The following TSC1 variants were observed in gnomAD, a reference collection of about 807,000 sequenced individuals.
TSC1 encodes hamartin.
In TSC1, 20 loss-of-function variants were observed where a neutral mutation model predicts 124.3. That is an observed-to-expected ratio of 0.16 (90% CI 0.11 to 0.23). TSC1 has a LOEUF of 0.23. Ranked by LOEUF, TSC1 falls within the 10% of genes least tolerant of loss-of-function variation. The pLI is 1.00. For missense variants in TSC1, 1,124 were observed against 1,448.5 expected, an observed-to-expected ratio of 0.78 and a Z score of 3.64; for synonymous variants, 493 against 539.1, an observed-to-expected ratio of 0.91 and a Z score of 1.19.
At position 132,896,521 on chromosome 9, in the gene TSC1, G is replaced by A. The variant is rs1060503200; in HGVS notation, c.3209C>T (p.Ala1070Val). The A allele has an allele frequency of 3.1e-6, 5 of 1,614,220 alleles. No homozygotes were observed. The highest frequency in any genetic ancestry group is 1.7e-5 in the Admixed American group (1 of 60,028). Reference protein sequence around the residue: ...SSRWETTMGEASASIPTTVGS... With the variant: ...SSRWETTMGEVSASIPTTVGS... ...CACAGTGGTGGGGATGCTGGCAGAC[G>A]CTTCTCCCATAGTCGTCTCCCACCG... is the stretch of plus-strand genomic sequence containing the variant. Residue 1070 changes from alanine (A) to valine (V), a missense_variant, in exon 23 of 23, where the codon GCG becomes GTG. This residue lies in a region of TSC1 where 325 missense variants were observed against 383.4 expected (regional missense o/e 0.85). Coordinates refer to ENST00000298552, the MANE Select transcript of TSC1 (RefSeq NM_000368.5). The surrounding 1 kb of genome is among the most constrained non-coding windows in gnomAD (Gnocchi z 4.5).
chr9:132,900,044 T>TC (rs1346856636), intron 20 of TSC1: 1 of 154,476 alleles, frequency 6.5e-6, no homozygotes, highest in Non-Finnish European at 1.4e-5. Flanking sequence ...GTTCTAAGAC[T>TC]CCTCTCTACA....
chr9:132,906,363 T>C lies in TSC1; in HGVS notation c.1439-224A>G, dbSNP rs916275861. The C allele has an allele frequency of 2.3e-5, 14 of 605,280 alleles. No individual in the cohort carries two copies. Among genetic ancestry groups the C allele is most frequent in the South Asian group, 7.5e-5 (4 of 53,360 alleles). 37.5% of individuals were successfully genotyped at this position (605,280 alleles called of 1,614,324 possible). A position where few individuals can be genotyped will look rare whatever the true frequency, so the allele number is the denominator to read the frequency against. Reference sequence around the variant, plus strand: ...GAGTTAGAGACCAGCCTGGACAACATAGGGAGATCCCATCTCTACAAAAAA... The same window carrying C: ...GAGTTAGAGACCAGCCTGGACAACACAGGGAGATCCCATCTCTACAAAAAA... On this transcript the variant is annotated intron_variant, in intron 14 of 22. Transcript: ENST00000298552. This position sits in a 1 kb window ranked among gnomAD's most constrained non-coding sequence, Gnocchi z 4.1.
intron 8 of TSC1, among the ~76,000 whole-genome samples, chr9:132,919,642 T>G: frequency 6.6e-6 from 1 of 152,150 alleles, no homozygotes; most frequent in East Asian, 1.9e-4. Context: ...TATGTCCTAT[T>G]AAACAAGAGT....
chr9:132,903,856 T>C lies in TSC1; in HGVS notation c.2042-39A>G, dbSNP rs775179387. Reference sequence around the variant, plus strand: ...AGAGGGAGGGTGGCAGAAATGCCTTTTACAGATGGTTCAATCAAGCCCCCT... The same window carrying C: ...AGAGGGAGGGTGGCAGAAATGCCTTCTACAGATGGTTCAATCAAGCCCCCT... On this transcript the variant is annotated intron_variant, in intron 16 of 22. Transcript: ENST00000298552. The surrounding 1 kb of genome is among the most constrained non-coding windows in gnomAD (Gnocchi z 5.9). 1 of 1,611,668 alleles carries C rather than the reference T, an allele frequency of 6.2e-7. No individual in the cohort carries two copies. The highest frequency in any genetic ancestry group is 8.5e-7 in the Non-Finnish European group (1 of 1,179,156).
At position 132,896,182 on chromosome 9, in the gene TSC1, C is replaced by A; in HGVS notation, c.*53G>T. 5.0e-6 allele frequency: 8 copies of A among 1,612,508 alleles called. No individual in the cohort carries two copies. Among genetic ancestry groups the A allele is most frequent in the Non-Finnish European group, 6.8e-6 (8 of 1,179,042 alleles). ...GAAAGCTTTGAAACGTGCATTCACA[C>A]CTCCTGTTCTGTGCCAACAATATGC... On this transcript the variant is annotated 3_prime_UTR_variant, in exon 23 of 23. Transcript: ENST00000298552. The surrounding 1 kb of genome is among the most constrained non-coding windows in gnomAD (Gnocchi z 4.5).
chr9:132,911,804 A>T (rs962810527), intron 9 of TSC1, among the ~76,000 whole-genome samples: 2 of 152,218 alleles, frequency 1.3e-5, no homozygotes, highest in African/African-American at 4.8e-5. Context: ...TTGATGTCTC[A>T]TTAAGCCTCA....
At position 132,902,715 on chromosome 9, in the gene TSC1, A is replaced by G. The variant is rs776386313; in HGVS notation, c.2281T>C (p.Tyr761His). The change falls in exon 18 of 23, where the codon TAC becomes CAC. Residue 761 changes from tyrosine (Y) to histidine (H), a missense_variant. By Grantham distance (83) the Tyr-to-His change is moderately conservative (BLOSUM62 2). Around this residue, in one of 5 missense-constraint regions of TSC1, gnomAD observed 321 missense variants for 397.4 expected, o/e 0.81. Coordinates refer to ENST00000298552, the MANE Select transcript of TSC1 (RefSeq NM_000368.5). This position sits in a 1 kb window ranked among gnomAD's most constrained non-coding sequence, Gnocchi z 5.2. ...KVSLQKEQARYNQLQEQRDTM... is the reference protein window; with the variant it reads ...KVSLQKEQARHNQLQEQRDTM... Reference sequence around the variant, plus strand: ...TCACGCTGCTCCTGGAGCTGATTGTATCTAGCTTGTTCTTTCTGCAGACTA... The same window carrying G: ...TCACGCTGCTCCTGGAGCTGATTGTGTCTAGCTTGTTCTTTCTGCAGACTA... 5.6e-6 allele frequency: 9 copies of G among 1,614,094 alleles called. No homozygotes were observed. The highest frequency in any genetic ancestry group is 3.3e-5 in the Admixed American group (2 of 60,018).
At position 132,928,929 on chromosome 9, in the gene TSC1, T is replaced by C; in HGVS notation, c.-57A>G. 6.2e-7 allele frequency: 1 copy of C among 1,610,370 alleles called. No homozygotes were observed. Among genetic ancestry groups the C allele is most frequent in the South Asian group, 1.1e-5 (1 of 90,764 alleles). ...GGACGTGTGCTACAGGTTCTGAAGGTTCTTCATTGGGGCCACTACCAAACT... is the reference window on the plus strand; with the variant it reads ...GGACGTGTGCTACAGGTTCTGAAGGCTCTTCATTGGGGCCACTACCAAACT... On this transcript the variant is annotated 5_prime_UTR_variant, in exon 3 of 23. Transcript: ENST00000298552.
At position 132,896,556 on chromosome 9, in the gene TSC1, T is replaced by C. The variant is rs2131603652; in HGVS notation, c.3174A>G (p.Pro1058=). The change falls in exon 23 of 23, where the codon CCA becomes CCG. Residue 1058 remains proline (P), a synonymous_variant. Transcript: ENST00000298552. The surrounding 1 kb of genome is among the most constrained non-coding windows in gnomAD (Gnocchi z 4.5). ...TAGTCGTCTCCCACCGACTGCTGAA[T>C]GGGCCTGCCCTCTGGTGTGGGGGTT... ...PEKPPHQRAG[P]FSSRWETTMG... 6.2e-7 allele frequency: 1 copy of C among 1,614,196 alleles called. No homozygotes were observed.
chr9:132,903,601 C>CCAAAA lies in TSC1; in HGVS notation c.2208+45_2208+49dup. On this transcript the variant is annotated intron_variant, in intron 17 of 22. Coordinates refer to ENST00000298552, the MANE Select transcript of TSC1 (RefSeq NM_000368.5). The surrounding 1 kb of genome is among the most constrained non-coding windows in gnomAD (Gnocchi z 5.9). ...GTGCTTTATAAGCTATCATGCTGAC[C>CCAAAA]CAAAACAAAACAAAAAGCAAGCTCC... is the stretch of plus-strand genomic sequence containing the variant. The CCAAAA allele has an allele frequency of 2.5e-6, 4 of 1,611,344 alleles. No individual in the cohort carries two copies. Among genetic ancestry groups the CCAAAA allele is most frequent in the Non-Finnish European group, 3.4e-6 (4 of 1,179,596 alleles).
chr9:132,931,744 G>A (rs886818802), intron 2 of TSC1, among the ~76,000 whole-genome samples: 1 of 152,176 alleles, frequency 6.6e-6, no homozygotes, highest in African/African-American at 2.4e-5. Context: ...TCTACAGTAA[G>A]TGCAAGGTGT....
chr9:132,919,560 A>G (rs1846437254), intron 8 of TSC1, among the ~76,000 whole-genome samples: 1 of 152,172 alleles, frequency 6.6e-6, no homozygotes, highest in African/African-American at 2.4e-5. Flanking sequence ...ATGCCTTCAA[A>G]TTACCGACTC....
rs1011539001 is a variant in TSC1, at chr9:132,911,228, A to G, written c.1030-115T>C. On this transcript the variant is annotated intron_variant, in intron 10 of 22. Coordinates refer to ENST00000298552, the MANE Select transcript of TSC1 (RefSeq NM_000368.5). ...TTAGCTTTTTCATCTAGAAAAAGGC[A>G]TCTTATTAAAAGCGTATCAAGAAAC... The G allele has an allele frequency of 2.2e-5, 20 of 913,748 alleles. No individual in the cohort carries two copies. The African/African-American group carries it at 3.1e-4, about 14-fold the overall frequency. 56.6% of individuals were successfully genotyped at this position (913,748 alleles called of 1,614,324 possible).
chr9:132,934,809 G>A (rs1408037836), intron 2 of TSC1, among the ~76,000 whole-genome samples: 1 of 152,244 alleles, frequency 6.6e-6, no homozygotes, highest in Non-Finnish European at 1.5e-5. Flanking sequence ...CAAAAGCGTG[G>A]CTGTGAAGAA....
chr9:132,893,502 T>C lies in TSC1; in HGVS notation c.*2733A>G, dbSNP rs73552805. On this transcript the variant is annotated 3_prime_UTR_variant, in exon 23 of 23. Transcript: ENST00000298552. ...CACCTGCAGGGACTCCGGAGCTCAT[T>C]TGCTCTGCGTCTTCCTATCCCCCTC... 1.2e-3 allele frequency: 275 copies of C among 233,232 alleles called. No individual in the cohort carries two copies. Among genetic ancestry groups the C allele is most frequent in the African/African-American group, 4.2e-3 (191 of 45,454 alleles). The allele number at this position is 233,232 out of a possible 1,614,324, so 14.4% of individuals were successfully genotyped here.
Position 132,903,664 on chromosome 9 carries a change from T to C in TSC1, c.2195A>G (p.His732Arg), listed in dbSNP as rs878853964. The C allele has an allele frequency of 5.6e-6, 9 of 1,612,420 alleles. No individual in the cohort carries two copies. Among genetic ancestry groups the C allele is most frequent in the Middle Eastern group, 4.3e-4 (2 of 4,652 alleles). The change falls in exon 17 of 23, where the codon CAT becomes CGT. Residue 732 changes from histidine (H) to arginine (R), a missense_variant. This residue lies in a region of TSC1 where 321 missense variants were observed against 397.4 expected (regional missense o/e 0.81). Coordinates refer to ENST00000298552, the MANE Select transcript of TSC1 (RefSeq NM_000368.5). The surrounding 1 kb of genome is among the most constrained non-coding windows in gnomAD (Gnocchi z 5.9). ...KVIKAAALEEHNAAMKDQLKL... is the reference protein window; with the variant it reads ...KVIKAAALEERNAAMKDQLKL... ...CCCAGTCCTCACCATGGCAGCATTA[T>C]GTTCCTCCAGAGCTGCTGCTTTGAT...
rs2131705949 is a variant in TSC1, at chr9:132,901,638, T to C, written c.2453A>G (p.Asn818Ser). Residue 818 changes from asparagine to serine, a missense_variant, in exon 19 of 23, where the codon AAC becomes AGC. Transcript: ENST00000298552. ...AELRIELKKA[N>S]NKVCHTELLL... is the part of the protein sequence containing the mutation. Reference sequence around the variant, plus strand: ...CAGCTCAGTGTGACACACCTTGTTGTTGGCCTTCTTCAGTTCTATCCGCAG... The same window carrying C: ...CAGCTCAGTGTGACACACCTTGTTGCTGGCCTTCTTCAGTTCTATCCGCAG... 2 of 1,614,192 alleles carry C rather than the reference T, an allele frequency of 1.2e-6. No individual in the cohort carries two copies. The highest frequency in any genetic ancestry group is 1.7e-5 in the Admixed American group (1 of 60,024).
At chr9:132,920,475 T>C (rs1311896201) in intron 8 of TSC1, among the ~76,000 whole-genome samples, 1 of 152,178 alleles carries the variant, frequency 6.6e-6, no homozygotes, top group Non-Finnish European at 1.5e-5. Flanking sequence ...CATGTGTTTT[T>C]GTGTTATTAT....
chr9:132,915,222 G>A (rs1846212796), intron 8 of TSC1, among the ~76,000 whole-genome samples: 1 of 151,978 alleles, frequency 6.6e-6, no homozygotes, highest in Admixed American at 6.6e-5. Flanking sequence ...CCACGTGCCT[G>A]TACTCTCAGC....
Sources: allele counts gnomAD v4.1 joint callset (sites outside exome capture counted in the v4.1 genomes callset), GRCh38; gene constraint gnomAD v4.1.1; regional missense constraint gnomAD v4.1.1; non-coding constraint Gnocchi (gnomAD v3.1); transcripts MANE v1.5; gene names NCBI Gene and HGNC (gene_info 2026-07-23, HGNC 2026-07-21).